ALLC: variants seen among roughly 807,000 people sequenced by gnomAD.
ALLC encodes the protein allantoicase, also known as probable inactive allantoicase.
Under a neutral mutation model 45.0 loss-of-function variants are expected in ALLC, and 40 were observed. The observed-to-expected ratio is 0.89, with a 90% CI of 0.69 to 1.16. The LOEUF (loss-of-function observed/expected upper bound fraction) is 1.16, where lower values mean the gene tolerates loss of function less well. ALLC is among the 50% of genes most tolerant of loss of function. The pLI, the probability that ALLC is intolerant of heterozygous loss-of-function variation, is 0.00. For synonymous variants in ALLC, 176 were observed against 178.1 expected (o/e 0.99, Z 0.09); for missense variants, 488 against 493.1 (o/e 0.99, Z 0.10).
intron 10 of ALLC, 136 bp from the exon 11 acceptor site, chr2:3,701,376 A>G (rs969212061): frequency 1.9e-6 from 2 of 1,068,922 alleles, no homozygotes; most frequent in Non-Finnish European, 2.6e-6. Context: ...CATACTTCAT[A>G]CCTTTGCTTT....
intron 8 of ALLC, 74 bp from the exon 9 acceptor site, chr2:3,696,201 T>C: frequency 8.1e-7 from 1 of 1,231,040 alleles, no homozygotes; most frequent in Non-Finnish European, 1.2e-6. Flanking sequence ...GATCTGTAAT[T>C]TAATTACAGC....
At chr2:3,701,427 G>T in intron 10 of ALLC, 85 bp from the exon 11 acceptor site, 1 of 1,421,836 alleles carries the variant, frequency 7.0e-7, no homozygotes, top group South Asian at 1.5e-5. Context: ...CTGGGTTTTT[G>T]ATCTTATTAA....
intron 11 of ALLC, 135 bp downstream of exon 11, chr2:3,701,771 T>C (rs1416233166): frequency 2.7e-6 from 3 of 1,091,484 alleles, no homozygotes; most frequent in African/African-American, 1.6e-5. Flanking sequence ...AAAACCCCTA[T>C]CTGCAAACTT....
upstream of ALLC, among the ~76,000 whole-genome samples, chr2:3,656,308 A>T (rs77809016): frequency 6.6e-6 from 1 of 152,158 alleles, no homozygotes; most frequent in Non-Finnish European, 1.5e-5. Context: ...AGCTCCGAGA[A>T]CAGCCTCACG....
the ALLC span, among the ~76,000 whole-genome samples, chr2:3,649,202 CAG>C: frequency 1.3e-5 from 2 of 151,696 alleles, no homozygotes; most frequent in Non-Finnish European, 2.9e-5. Flanking sequence ...ATTCTGGTCA[CAG>C]GGTCATCACC....
chr2:3,661,547 C>G (rs529022020), intron 1 of ALLC, among the ~76,000 whole-genome samples: 3 of 152,300 alleles, frequency 2.0e-5, no homozygotes, highest in African/African-American at 7.2e-5. Flanking sequence ...AGTGCTGGGG[C>G]TGTTCCCTGG....
chr2:3,645,981 C>T, the ALLC span, among the ~76,000 whole-genome samples: 1 of 152,148 alleles, frequency 6.6e-6, no homozygotes, highest in South Asian at 2.1e-4. The surrounding 1 kb of genome is among the most constrained non-coding windows in gnomAD (Gnocchi z 4.3). Flanking sequence ...GGTGTTTGTA[C>T]AGTGAAATGC....
Position 3,680,377 on chromosome 2 carries a change from G to A in ALLC, c.298+383G>A, listed in dbSNP as rs1469192320. Among the ~76,000 whole-genome samples the A allele has an allele frequency of 1.3e-5, 2 of 152,204 alleles. No homozygotes were observed. The highest frequency in any genetic ancestry group is 4.8e-5 in the African/African-American group (2 of 41,456). The stretch of plus-strand genomic sequence containing the variant: ...GACAGCTGTGGGGTGAGCAGCACCA[G>A]CCCTGCTTTGGGCTGTCCCAGTGTG... On this transcript the variant is annotated intron_variant, in intron 5 of 11. Coordinates refer to ENST00000252505, the MANE Select transcript of ALLC (RefSeq NM_018436.4). This position sits in a 1 kb window ranked among gnomAD's most constrained non-coding sequence, Gnocchi z 4.0.
chr2:3,689,639 A>G (rs1161887942), intron 7 of ALLC, among the ~76,000 whole-genome samples: 6 of 151,024 alleles, frequency 4.0e-5, no homozygotes, highest in Non-Finnish European at 8.9e-5. Context: ...GGCCTATTCT[A>G]GAGAATGTTC....
chr2:3,663,032 T>C (rs1226694086), intron 1 of ALLC, among the ~76,000 whole-genome samples: 2 of 152,210 alleles, frequency 1.3e-5, no homozygotes, highest in African/African-American at 2.4e-5. Flanking sequence ...AAGGTGGTTT[T>C]AGCGGCAGAA....
intron 1 of ALLC, among the ~76,000 whole-genome samples, chr2:3,664,906 A>C (rs73138900): frequency 0.075 from 10,940 of 145,082 alleles, 1,311 homozygotes; most frequent in African/African-American, 0.26. Context: ...CAAAACCAAA[A>C]CCCCCCCCCA....
chr2:3,673,722 A>T (rs1666950733), intron 2 of ALLC, among the ~76,000 whole-genome samples: 1 of 152,218 alleles, frequency 6.6e-6, no homozygotes, highest in African/African-American at 2.4e-5. Context: ...CCGCATACGT[A>T]ACCCAGAGCT....
intron 4 of ALLC, 37 bp downstream of exon 4, chr2:3,678,592 C>T: frequency 6.4e-7 from 1 of 1,565,838 alleles, no homozygotes; most frequent in South Asian, 1.1e-5. Context: ...GTGCAGCTGA[C>T]ACTGCAAAGT....
rs561437062 is a variant in ALLC, at chr2:3,694,358, T to C, written c.512-1359T>C. Among the ~76,000 whole-genome samples, 11 of 151,982 alleles carry C rather than the reference T, an allele frequency of 7.2e-5. 1 individual carries two copies. The highest frequency in any genetic ancestry group is 2.7e-4 in the African/African-American group (11 of 41,422). On this transcript the variant is annotated intron_variant, in intron 7 of 11. Coordinates refer to ENST00000252505, the MANE Select transcript of ALLC (RefSeq NM_018436.4). Reference sequence around the variant, plus strand: ...GAGGATTCCACCTGGGATCCAGGTGTAAAGGGAAAGGAAGCTGGGGAAACC... The same window carrying C: ...GAGGATTCCACCTGGGATCCAGGTGCAAAGGGAAAGGAAGCTGGGGAAACC...
At chr2:3,701,340 C>T (rs1667825824) in intron 10 of ALLC, among the ~76,000 whole-genome samples, 172 bp from the exon 11 acceptor site, 1 of 152,218 alleles carries the variant, frequency 6.6e-6, no homozygotes, top group Admixed American at 6.5e-5. Flanking sequence ...ATCTGAGCCT[C>T]ACAAACCGGT....
the ALLC span, among the ~76,000 whole-genome samples, chr2:3,647,821 G>T: frequency 6.6e-6 from 1 of 152,222 alleles, no homozygotes; most frequent in Non-Finnish European, 1.5e-5. Context: ...CACTAGCGTT[G>T]TCTCAGCCTT....
chr2:3,695,632 C>T (rs1667643934), intron 7 of ALLC, 85 bp from the exon 8 acceptor site: 1 of 1,505,356 alleles, frequency 6.6e-7, no homozygotes, highest in Non-Finnish European at 9.2e-7. Context: ...AGAGATGACA[C>T]TGGAGAAGAC....
intron 1 of ALLC, among the ~76,000 whole-genome samples, chr2:3,662,726 G>A (rs1297662669): frequency 1.3e-5 from 2 of 152,204 alleles, no homozygotes; most frequent in Non-Finnish European, 2.9e-5. Flanking sequence ...CTAGCCTGCA[G>A]TCACCCTACT....
intron 2 of ALLC, among the ~76,000 whole-genome samples, chr2:3,673,074 T>C (rs13405419): frequency 0.39 from 57,853 of 148,254 alleles, 11,867 homozygotes; most frequent in African/African-American, 0.5. Context: ...GGGGTGGGGA[T>C]GGGCCAGCTG....
Sources: gnomAD v4.1 joint callset for allele counts (sites outside exome capture counted in the v4.1 genomes callset) on GRCh38, gnomAD v4.1.1 for gene constraint, Gnocchi (gnomAD v3.1) non-coding constraint, MANE v1.5 for transcripts, NCBI Gene and HGNC (gene_info 2026-07-23, HGNC 2026-07-21) for gene names.